The following LRP1B variants were observed in gnomAD, a reference collection of about 807,000 sequenced individuals.
The protein encoded by LRP1B is low-density lipoprotein receptor-related protein 1B.
LRP1B carries 217 observed loss-of-function variants against 556.6 expected under a neutral mutation model. The ratio of observed to expected loss-of-function variants is 0.39; its 90% CI spans 0.35 to 0.44. The LOEUF is 0.44. Among genes scored for constraint, LRP1B ranks in the 20% least tolerant of loss-of-function variants. The probability of loss-of-function intolerance (pLI) is 1.00; values close to 1 mark genes in which losing one functional copy is unlikely to be tolerated. For missense variants in LRP1B, 5,053 were observed against 5,620.8 expected, an observed-to-expected ratio of 0.90 and a Z score of 3.23; for synonymous variants, 2,047 against 1,865.8, an observed-to-expected ratio of 1.10 and a Z score of -2.50.
At chr2:141,623,627 T>C (rs899913281) in intron 2 of LRP1B, among the ~76,000 whole-genome samples, 2 of 152,054 alleles carry the variant, frequency 1.3e-5, no homozygotes, top group Admixed American at 1.3e-4. Context: ...CCCACTTTGG[T>C]GTAGAGTAAC....
At chr2:141,933,093 T>A (rs907785211) in intron 1 of LRP1B, among the ~76,000 whole-genome samples, 4 of 152,010 alleles carry the variant, frequency 2.6e-5, no homozygotes, top group African/African-American at 9.7e-5. Flanking sequence ...GGAATATATT[T>A]AATCAATATA....
chr2:140,863,570 T>C (rs542975795), intron 27 of LRP1B, among the ~76,000 whole-genome samples: 1 of 152,260 alleles, frequency 6.6e-6, no homozygotes, highest in Non-Finnish European at 1.5e-5. Context: ...GTGAGCATGA[T>C]CTGACCCCTG....
At chr2:140,965,177 T>C (rs1164451383) in intron 18 of LRP1B, among the ~76,000 whole-genome samples, 2 of 152,146 alleles carry the variant, frequency 1.3e-5, no homozygotes, top group African/African-American at 4.8e-5. Context: ...GGCTGAATTG[T>C]TAGGTATCAA....
Position 142,121,888 on chromosome 2 carries a change from T to A in LRP1B, c.82+8760A>T, listed in dbSNP as rs981533221. ...TATATGAGTTGCTTCAAGGATCATG[T>A]GATTCAGCAAGAAAAAAAAAATTTG... On this transcript the variant is annotated intron_variant, in intron 1 of 90. Transcript: ENST00000389484. 1.3e-4 allele frequency among the ~76,000 whole-genome samples: 11 copies of A among 86,018 alleles called. No individual in the cohort carries two copies. The Admixed American group carries it at 1.7e-3, about 14-fold the overall frequency. 56.4% of individuals were successfully genotyped at this position (86,018 alleles called of 152,430 possible).
At chr2:140,964,335 G>T (rs964797795) in intron 18 of LRP1B, among the ~76,000 whole-genome samples, 1 of 152,148 alleles carries the variant, frequency 6.6e-6, no homozygotes, top group Non-Finnish European at 1.5e-5. Flanking sequence ...ATAACTGCGG[G>T]CGAGCCTGAC....
chr2:140,836,030 C>T (rs143307469), intron 31 of LRP1B, among the ~76,000 whole-genome samples: 1 of 152,262 alleles, frequency 6.6e-6, no homozygotes, highest in Non-Finnish European at 1.5e-5. Context: ...ACACACACAT[C>T]TGTATGTACA....
chr2:141,455,139 T>C (rs1345363440), intron 3 of LRP1B, among the ~76,000 whole-genome samples: 2 of 152,020 alleles, frequency 1.3e-5, no homozygotes, highest in Non-Finnish European at 2.9e-5. Context: ...AAAATGCCTA[T>C]GTGCTACATA....
At chr2:140,404,097 G>A (rs1342635671) in intron 66 of LRP1B, among the ~76,000 whole-genome samples, 1 of 150,198 alleles carries the variant, frequency 6.7e-6, no homozygotes, top group Non-Finnish European at 1.5e-5. Context: ...TACCAAGTCA[G>A]CACTACAAGA....
At chr2:141,461,757 T>C (rs1469752109) in intron 3 of LRP1B, among the ~76,000 whole-genome samples, 3 of 152,206 alleles carry the variant, frequency 2.0e-5, no homozygotes, top group African/African-American at 7.2e-5. Context: ...TCCCCCTCTG[T>C]TGGAAGACAA....
intron 1 of LRP1B, among the ~76,000 whole-genome samples, chr2:141,899,971 G>A (rs900984055): frequency 1.3e-5 from 2 of 152,086 alleles, no homozygotes; most frequent in Admixed American, 1.3e-4. Flanking sequence ...GGTACAAAGT[G>A]CAACCTGGAA....
At position 141,034,550 on chromosome 2, in the gene LRP1B, ATG is replaced by A. The variant is rs201860389; in HGVS notation, c.1789+14434_1789+14435del. Among the ~76,000 whole-genome samples, 1,167 of 152,344 alleles carry A rather than the reference ATG, an allele frequency of 7.7e-3. 19 individuals are homozygous for A. The highest frequency in any genetic ancestry group is 0.027 in the African/African-American group (1,138 of 41,578). ...CCCCATCAAAAAGTGGGCGAAGGAT[ATG>A]AACAGACACTTCTTAAAAGAGGACA... On this transcript the variant is annotated intron_variant, in intron 11 of 90. Coordinates refer to ENST00000389484, the MANE Select transcript of LRP1B (RefSeq NM_018557.3).
chr2:141,065,056 G>A (rs1201248808), intron 7 of LRP1B, among the ~76,000 whole-genome samples: 2 of 151,812 alleles, frequency 1.3e-5, no homozygotes, highest in Admixed American at 6.6e-5. Flanking sequence ...CTTTGCCGGA[G>A]CCATAAATGT....
At position 140,495,588 on chromosome 2, in the gene LRP1B, G is replaced by T. The variant is rs2104872920; in HGVS notation, c.9011C>A (p.Pro3004Gln). Reference sequence around the variant, plus strand: ...ACCTGAGAGCGATTTGCAGCCATTTGGGTTATCAGGTTGTATTTCATACCC... The same window carrying T: ...ACCTGAGAGCGATTTGCAGCCATTTTGGTTATCAGGTTGTATTTCATACCC... ...TDGYEIQPDN[P>Q]NGCKSLSDEE... Residue 3004 changes from proline to glutamine, a missense_variant, in exon 56 of 91, where the codon CCA becomes CAA. Coordinates refer to ENST00000389484, the MANE Select transcript of LRP1B (RefSeq NM_018557.3). 6.3e-7 allele frequency: 1 copy of T among 1,591,888 alleles called. No homozygotes were observed.
intron 2 of LRP1B, chr2:141,805,500 T>C (rs1361766077): frequency 6.6e-6 from 1 of 152,126 alleles, no homozygotes. Flanking sequence ...TCTGGCACCA[T>C]GACTGGTAGA....
intron 7 of LRP1B, among the ~76,000 whole-genome samples, chr2:141,185,015 T>C (rs939207966): frequency 4.6e-5 from 7 of 152,166 alleles, no homozygotes; most frequent in Middle Eastern, 6.8e-3. Context: ...GGGTAGAATA[T>C]TGGTCTCATT....
intron 90 of LRP1B, among the ~76,000 whole-genome samples, chr2:140,234,256 C>G (rs116760026): frequency 0.027 from 4,039 of 151,340 alleles, 64 homozygotes; most frequent in Non-Finnish European, 0.037. Context: ...TTTTATTCCT[C>G]TTCTGCTTAA....
At chr2:141,720,952 A>G (rs1014912076) in intron 2 of LRP1B, among the ~76,000 whole-genome samples, 4 of 152,142 alleles carry the variant, frequency 2.6e-5, no homozygotes, top group Non-Finnish European at 5.9e-5. Flanking sequence ...TCATTGAAAG[A>G]TAATCAAGAG....
chr2:140,580,876 A>G (rs907715692), intron 43 of LRP1B, among the ~76,000 whole-genome samples: 1 of 152,188 alleles, frequency 6.6e-6, no homozygotes, highest in Non-Finnish European at 1.5e-5. Flanking sequence ...GGATGTGTCA[A>G]TTTGTTTTCT....
Position 140,716,681 on chromosome 2 carries a change from C to T in LRP1B, c.5893+1G>A, listed in dbSNP as rs752135411. On this transcript the variant is annotated splice_donor_variant, in intron 36 of 90. Transcript: ENST00000389484. LOFTEE classifies it high-confidence loss of function. Reference sequence around the variant, plus strand: ...GAAAGATAAAAAGCCATGGATTATACCAGCAATCCAGTCAACAGCTATCCC... The same window carrying T: ...GAAAGATAAAAAGCCATGGATTATATCAGCAATCCAGTCAACAGCTATCCC... 6.2e-7 allele frequency: 1 copy of T among 1,604,478 alleles called. No homozygotes were observed. Among genetic ancestry groups the T allele is most frequent in the Non-Finnish European group, 8.5e-7 (1 of 1,175,800 alleles).
Sources: allele counts gnomAD v4.1 joint callset (sites outside exome capture counted in the v4.1 genomes callset), GRCh38; gene constraint gnomAD v4.1.1; transcripts MANE v1.5; gene names NCBI Gene and HGNC (gene_info 2026-07-23, HGNC 2026-07-21).